PRDM1: variants seen among roughly 807,000 people sequenced by gnomAD.
The protein encoded by PRDM1 is PR/SET domain 1.
In PRDM1, 13 loss-of-function variants were observed where a neutral mutation model predicts 62.8. That is an observed-to-expected ratio of 0.21 (90% CI 0.13 to 0.33). PRDM1 has a LOEUF of 0.33. Among genes scored for constraint, PRDM1 ranks in the 10% least tolerant of loss-of-function variants. PRDM1 has a pLI of 1.00. For missense variants in PRDM1, 895 were observed against 1,058.8 expected (o/e 0.85, Z 2.15); for synonymous variants, 396 against 417.6 (o/e 0.95, Z 0.63).
intron 1 of PRDM1, among the ~76,000 whole-genome samples, chr6:106,081,071 G>C (rs923363715): frequency 6.6e-6 from 1 of 152,202 alleles, no homozygotes; most frequent in Admixed American, 6.5e-5. Flanking sequence ...TTGTTCAAAA[G>C]ATAAGGTGTC....
At chr6:106,064,417 T>G (rs1345658247) in intron 1 of PRDM1, among the ~76,000 whole-genome samples, 1 of 151,386 alleles carries the variant, frequency 6.6e-6, no homozygotes, top group Admixed American at 6.6e-5. Flanking sequence ...AAAACACAGG[T>G]GGATGTTTTT....
chr6:106,062,128 CT>C (rs916046291), intron 1 of PRDM1, among the ~76,000 whole-genome samples: 1 of 152,180 alleles, frequency 6.6e-6, no homozygotes, highest in Admixed American at 6.5e-5. Context: ...ACCCCACTGT[CT>C]ACATGGCTTG....
chr6:106,082,911 A>T (rs116727703), upstream of PRDM1, among the ~76,000 whole-genome samples: 1 of 152,118 alleles, frequency 6.6e-6, no homozygotes, highest in Non-Finnish European at 1.5e-5. Context: ...TGACACACAC[A>T]GGCTGCATTG....
At chr6:106,058,233 T>C (rs1773293924) in intron 1 of PRDM1, among the ~76,000 whole-genome samples, 1 of 152,150 alleles carries the variant, frequency 6.6e-6, no homozygotes, top group African/African-American at 2.4e-5. Context: ...GGCTGAGAAG[T>C]CCAAGATCAG....
upstream of PRDM1, among the ~76,000 whole-genome samples, chr6:106,083,428 GA>G (rs1773729364): frequency 6.6e-6 from 1 of 151,908 alleles, no homozygotes; most frequent in Non-Finnish European, 1.5e-5. Flanking sequence ...TCCCCAAGTG[GA>G]GTTCAGGTCT....
intron 1 of PRDM1, among the ~76,000 whole-genome samples, chr6:106,018,088 A>T (rs1487193645): frequency 1.3e-5 from 2 of 152,184 alleles, no homozygotes; most frequent in African/African-American, 4.8e-5. Context: ...CTGGGCAGAT[A>T]CCAAGACATT....
Position 105,994,974 on chromosome 6 carries a change from A to G in PRDM1, c.-67+1335A>G, listed in dbSNP as rs1772329398. ...CAGAGGAAAGCCTCTGGTCGAGAGG[A>G]TTAGAGCGCGCGTTTTCTCCGCCGA... is the stretch of plus-strand genomic sequence containing the variant. On this transcript the variant is annotated intron_variant, in intron 1 of 6. Transcript: ENST00000652320. This position sits in a 1 kb window ranked among gnomAD's most constrained non-coding sequence, Gnocchi z 4.1. Among the ~76,000 whole-genome samples the G allele has an allele frequency of 6.6e-6, 1 of 152,126 alleles. No individual in the cohort carries two copies. Among genetic ancestry groups the G allele is most frequent in the Admixed American group, 6.5e-5 (1 of 15,278 alleles).
chr6:106,055,369 A>G (rs1056478130), intron 1 of PRDM1, among the ~76,000 whole-genome samples: 2 of 152,228 alleles, frequency 1.3e-5, no homozygotes, highest in Non-Finnish European at 2.9e-5. Context: ...TATTATATAC[A>G]TGAGAGATAT....
At chr6:105,999,033 G>A (rs953273080) in intron 1 of PRDM1, among the ~76,000 whole-genome samples, 1 of 150,614 alleles carries the variant, frequency 6.6e-6, no homozygotes, top group Non-Finnish European at 1.5e-5. Context: ...AACCTCCTAG[G>A]CTCAAGCAAT....
At chr6:106,088,159 G>C (rs1434868556) in intron 1 of PRDM1, 42 bp from the exon 2 acceptor site, 2 of 1,546,574 alleles carry the variant, frequency 1.3e-6, no homozygotes, top group East Asian at 2.4e-5. Context: ...CCACAGGAAC[G>C]GCGGGACAAT....
chr6:106,099,739 A>G, intron 4 of PRDM1, 187 bp downstream of exon 4: 1 of 700,360 alleles, frequency 1.4e-6, no homozygotes, highest in Non-Finnish European at 2.3e-6. Flanking sequence ...AAACTTGATC[A>G]TTTAAAAGTA....
At chr6:106,060,350 C>G (rs1406366393) in intron 1 of PRDM1, among the ~76,000 whole-genome samples, 1 of 152,064 alleles carries the variant, frequency 6.6e-6, no homozygotes, top group Non-Finnish European at 1.5e-5. Context: ...AGAAAATTGC[C>G]CATTCATTTG....
chr6:106,007,792 T>C (rs4427036), intron 1 of PRDM1, among the ~76,000 whole-genome samples: 3,149 of 152,200 alleles, frequency 0.021, 41 homozygotes, highest in African/African-American at 0.034. Context: ...TTCTTTCTGT[T>C]TTCCTAAATG....
At chr6:106,098,828 G>A in intron 3 of PRDM1, 1 of 1,527,146 alleles carries the variant, frequency 6.5e-7, no homozygotes, top group Non-Finnish European at 8.8e-7. Context: ...GTAGGAAACG[G>A]CGAGTACAGA....
chr6:106,062,683 AAC>A (rs1773362371), intron 1 of PRDM1, among the ~76,000 whole-genome samples: 1 of 152,070 alleles, frequency 6.6e-6, no homozygotes, highest in East Asian at 1.9e-4. Context: ...CCCCTCCTCC[AAC>A]ACACACACCA....
At chr6:106,082,637 C>T (rs149829074), upstream of PRDM1, among the ~76,000 whole-genome samples, 150 of 152,294 alleles carry the variant, frequency 9.8e-4, no homozygotes, top group African/African-American at 2.8e-3. Context: ...AGAACACTTA[C>T]ATCTTCATTC....
chr6:106,076,448 T>C (rs753539584), intron 1 of PRDM1, among the ~76,000 whole-genome samples: 6 of 152,204 alleles, frequency 3.9e-5, no homozygotes, highest in Admixed American at 6.5e-5. Context: ...AGAAGGCTTT[T>C]GGGGAATTGG....
intron 1 of PRDM1, among the ~76,000 whole-genome samples, chr6:106,003,585 T>A (rs1772451715): frequency 6.6e-6 from 1 of 152,238 alleles, no homozygotes; most frequent in Non-Finnish European, 1.5e-5. Context: ...CTTGTCTTTG[T>A]TACTATTTTT....
At chr6:105,996,818 G>C (rs1003470618) in intron 1 of PRDM1, among the ~76,000 whole-genome samples, 1 of 152,170 alleles carries the variant, frequency 6.6e-6, no homozygotes, top group Non-Finnish European at 1.5e-5. Flanking sequence ...TTGACAGAGG[G>C]CTAGTAGAAT....
Sources: allele counts gnomAD v4.1 joint callset (sites outside exome capture counted in the v4.1 genomes callset), GRCh38; gene constraint gnomAD v4.1.1; non-coding constraint Gnocchi (gnomAD v3.1); transcripts MANE v1.5; gene names NCBI Gene and HGNC (gene_info 2026-07-23, HGNC 2026-07-21).